HNF4A: variants seen among roughly 807,000 people sequenced by gnomAD.
The protein encoded by HNF4A is hepatocyte nuclear factor 4 alpha, also known as hepatocyte nuclear factor 4-alpha.
A neutral mutation model predicts 52.4 loss-of-function variants in HNF4A; 15 were observed. That is an observed-to-expected ratio of 0.29 (90% CI 0.19 to 0.44). HNF4A has a LOEUF of 0.44. HNF4A is among the 20% of genes least tolerant of loss of function. The pLI, the probability that HNF4A is intolerant of heterozygous loss-of-function variation, is 1.00. For synonymous variants in HNF4A, 280 were observed against 264.4 expected (o/e 1.06, Z -0.57); for missense variants, 479 against 647.2 (o/e 0.74, Z 2.82).
intron 1 of HNF4A, among the ~76,000 whole-genome samples, chr20:44,368,086 A>ATATG (rs1555807440): frequency 9.8e-5 from 10 of 102,250 alleles, no homozygotes; most frequent in African/African-American, 3.6e-4. Flanking sequence ...ATATATATAT[A>ATATG]TGTGTGTGTG....
At chr20:44,418,320 G>A in intron 5 of HNF4A, 105 bp from the exon 6 acceptor site, 1 of 853,588 alleles carries the variant, frequency 1.2e-6, no homozygotes, top group South Asian at 1.3e-5. Flanking sequence ...CAGGCAGGTA[G>A]AGGCAGAGGG....
At chr20:44,374,112 C>A (rs1331781883) in intron 1 of HNF4A, among the ~76,000 whole-genome samples, 3 of 152,178 alleles carry the variant, frequency 2.0e-5, no homozygotes, top group Non-Finnish European at 4.4e-5. Flanking sequence ...GCATAGTACC[C>A]AACAGAGAGT....
At position 44,378,056 on chromosome 20, in the gene HNF4A, G is replaced by A. The variant is rs112134947; in HGVS notation, c.49+22203G>A. ...TTGCTCTACAACCTCATCAGCACTT[G>A]ATTTTGTAAGATACTGAATGTAAAA... On this transcript the variant is annotated intron_variant, in intron 1 of 9. Coordinates refer to the HNF4A transcript ENST00000316673. Among the ~76,000 whole-genome samples the A allele has an allele frequency of 5.3e-3, 804 of 152,260 alleles. 12 individuals are homozygous for A. Among genetic ancestry groups the A allele is most frequent in the African/African-American group, 0.019 (775 of 41,544 alleles).
rs748714111 is a variant in HNF4A at position 44,419,841 on chromosome 20, A to G, written c.857A>G (p.Tyr286Cys). The G allele has an allele frequency of 2.7e-5, 43 of 1,614,010 alleles. No individual in the cohort carries two copies. The highest frequency in any genetic ancestry group is 3.6e-5 in the Non-Finnish European group (43 of 1,180,018). The change falls in exon 7 of 10, where the codon TAT becomes TGT. Residue 286 changes from tyrosine (Y) to cysteine (C), a missense_variant. Coordinates refer to ENST00000316099, the MANE Select transcript of HNF4A (RefSeq NM_000457.6). ...GAGCTGCAGATCGATGACAATGAGTATGCCTACCTCAAAGCCATCATCTTC... is the reference window on the plus strand; with the variant it reads ...GAGCTGCAGATCGATGACAATGAGTGTGCCTACCTCAAAGCCATCATCTTC...
At chr20:44,366,874 A>G (rs1191390210) in intron 1 of HNF4A, among the ~76,000 whole-genome samples, 2 of 152,216 alleles carry the variant, frequency 1.3e-5, no homozygotes, top group Non-Finnish European at 2.9e-5. Context: ...CAGATGTGGT[A>G]ACAATTGTAT....
intron 1 of HNF4A, among the ~76,000 whole-genome samples, chr20:44,390,109 AG>A (rs1491000164): frequency 6.6e-6 from 1 of 152,170 alleles, no homozygotes; most frequent in African/African-American, 2.4e-5. Context: ...CTAAGTTTAC[AG>A]TCGTGGAGGG....
chr20:44,384,511 T>G (rs1241053457), intron 1 of HNF4A: 1 of 152,124 alleles, frequency 6.6e-6, no homozygotes, highest in Admixed American at 6.6e-5. Flanking sequence ...AACAGCAAAG[T>G]TAATTGCTCA....
chr20:44,381,577 C>T (rs2063154473), intron 1 of HNF4A, among the ~76,000 whole-genome samples: 1 of 152,100 alleles, frequency 6.6e-6, no homozygotes, highest in South Asian at 2.1e-4. Flanking sequence ...GCCACTTCAC[C>T]CAGCCAGTGG....
At chr20:44,401,890 A>G (rs2063415241) in intron 1 of HNF4A, among the ~76,000 whole-genome samples, 1 of 151,838 alleles carries the variant, frequency 6.6e-6, no homozygotes, top group Non-Finnish European at 1.5e-5. Flanking sequence ...AGAGACGGCA[A>G]GGGATGTTGT....
intron 1 of HNF4A, chr20:44,392,083 C>A (rs922596282): frequency 6.6e-6 from 1 of 152,156 alleles, no homozygotes; most frequent in Non-Finnish European, 1.5e-5. Flanking sequence ...ACAGAGGAGG[C>A]CTGTCTTCAA....
At chr20:44,366,842 T>C (rs1047703877) in intron 1 of HNF4A, among the ~76,000 whole-genome samples, 1 of 152,096 alleles carries the variant, frequency 6.6e-6, no homozygotes, top group South Asian at 2.1e-4. Context: ...CAATTATAGA[T>C]AAATAAAGTA....
intron 1 of HNF4A, among the ~76,000 whole-genome samples, chr20:44,364,768 G>A (rs1333772588): frequency 5.9e-5 from 9 of 151,764 alleles, no homozygotes; most frequent in African/African-American, 1.5e-4. Context: ...GTGCCCAGCC[G>A]GTCCTTCAAT....
intron 1 of HNF4A, among the ~76,000 whole-genome samples, chr20:44,358,466 C>T (rs1006861549): frequency 3.3e-5 from 5 of 151,834 alleles, no homozygotes; most frequent in South Asian, 4.2e-4. Flanking sequence ...AAAAACTAGC[C>T]GGGTATGATG....
intron 7 of HNF4A, among the ~76,000 whole-genome samples, chr20:44,422,521 T>C (rs1266250174): frequency 6.6e-6 from 1 of 152,092 alleles, no homozygotes; most frequent in Non-Finnish European, 1.5e-5. Context: ...ATAAATGCAT[T>C]ACCTCCATGA....
intron 1 of HNF4A, among the ~76,000 whole-genome samples, chr20:44,378,338 G>A (rs2063109490): frequency 6.6e-6 from 1 of 151,204 alleles, no homozygotes; most frequent in African/African-American, 2.4e-5. Context: ...CGTGATCTCG[G>A]CTCACTACAA....
At position 44,413,791 on chromosome 20, in the gene HNF4A, G is replaced by C; in HGVS notation, c.483G>C (p.Leu161=). Reference sequence around the variant, plus strand: ...ATGCGCTCCTGCAGGCGGAGGTCCTGTCCCGACAGGTACCGGGGTGATCCT... The same window carrying C: ...ATGCGCTCCTGCAGGCGGAGGTCCTCTCCCGACAGGTACCGGGGTGATCCT... The change falls in exon 4 of 10, where the codon CTG becomes CTC. Residue 161 remains leucine (L), a synonymous_variant. Coordinates refer to ENST00000316099, the MANE Select transcript of HNF4A (RefSeq NM_000457.6). 1 of 1,610,542 alleles carries C rather than the reference G, an allele frequency of 6.2e-7. No individual in the cohort carries two copies. The highest frequency in any genetic ancestry group is 1.7e-5 in the Admixed American group (1 of 59,882).
At chr20:44,393,253 G>A (rs2063321889) in intron 1 of HNF4A, among the ~76,000 whole-genome samples, 1 of 152,222 alleles carries the variant, frequency 6.6e-6, no homozygotes, top group Admixed American at 6.5e-5. Flanking sequence ...AACATAAACA[G>A]GAGGACAGCA....
chr20:44,374,202 G>A (rs2063062120), intron 1 of HNF4A, among the ~76,000 whole-genome samples: 1 of 152,104 alleles, frequency 6.6e-6, no homozygotes, highest in Non-Finnish European at 1.5e-5. Context: ...CCAATGTTTA[G>A]CTTCCTTTTA....
chr20:44,401,144 C>T, upstream of HNF4A: 1 of 1,351,108 alleles, frequency 7.4e-7, no homozygotes, highest in Non-Finnish European at 9.8e-7. Context: ...CCCCGCCCAG[C>T]CTATCCACCG....
Sources: allele counts gnomAD v4.1 joint callset (sites outside exome capture counted in the v4.1 genomes callset), GRCh38; gene constraint gnomAD v4.1.1; transcripts MANE v1.5; gene names NCBI Gene and HGNC (gene_info 2026-07-23, HGNC 2026-07-21).